The following CSMD1 variants were observed in gnomAD, a reference collection of about 807,000 sequenced individuals.
CSMD1 encodes the protein CUB and Sushi multiple domains 1.
A neutral mutation model predicts 417.5 loss-of-function variants in CSMD1; 213 were observed. That is an observed-to-expected ratio of 0.51 (90% CI 0.46 to 0.57). CSMD1 has a LOEUF of 0.57. Among genes scored for constraint, CSMD1 ranks in the 20% least tolerant of loss-of-function variants. The pLI, the probability that CSMD1 is intolerant of heterozygous loss-of-function variation, is 0.00. For missense variants in CSMD1, 6,923 were observed against 4,529.7 expected (o/e 1.53, Z -15.17); for synonymous variants, 2,862 against 1,736.8 (o/e 1.65, Z -16.11).
intron 10 of CSMD1, among the ~76,000 whole-genome samples, chr8:3,503,775 A>G (rs960976221): frequency 6.6e-6 from 1 of 151,964 alleles, no homozygotes; most frequent in African/African-American, 2.4e-5. Flanking sequence ...TGGTTTCAAA[A>G]TGGCCTAAAA....
chr8:4,989,984 G>A (rs1258754229), intron 1 of CSMD1, among the ~76,000 whole-genome samples: 2 of 152,168 alleles, frequency 1.3e-5, no homozygotes, highest in Non-Finnish European at 2.9e-5. Context: ...CTGTGGTTGT[G>A]GCAGTCGTCT....
intron 1 of CSMD1, among the ~76,000 whole-genome samples, chr8:4,911,397 G>C (rs763641152): frequency 6.6e-6 from 1 of 152,180 alleles, no homozygotes; most frequent in Non-Finnish European, 1.5e-5. Context: ...CTCTAGATTT[G>C]TTAGGTAATT....
intron 3 of CSMD1, among the ~76,000 whole-genome samples, chr8:4,393,084 T>C (rs537236673): frequency 6.8e-4 from 104 of 152,238 alleles, no homozygotes; most frequent in African/African-American, 2.4e-3. Flanking sequence ...CAAGCGATTC[T>C]CGTGCCTCAA....
chr8:4,356,039 C>T (rs1365596161), intron 3 of CSMD1, among the ~76,000 whole-genome samples: 1 of 152,116 alleles, frequency 6.6e-6, no homozygotes, highest in African/African-American at 2.4e-5. Flanking sequence ...TTTGGGAGAT[C>T]CTGGTGCACT....
In CSMD1 at chr8:3,265,100, C is replaced by T. The variant is rs117835512; in HGVS notation, c.4153+19044G>A. The stretch of plus-strand genomic sequence containing the variant: ...ATCTGTTGAATAGCTGCTCTTGTAG[C>T]TGGCACCATGTTAAGGATTGTCACT... On this transcript the variant is annotated intron_variant, in intron 26 of 69. Transcript: ENST00000635120. Among the ~76,000 whole-genome samples, 30 of 152,224 alleles carry T rather than the reference C, an allele frequency of 2.0e-4. No homozygotes were observed. In the East Asian group the frequency reaches 5.0e-3, roughly 25 times the overall value.
intron 10 of CSMD1, among the ~76,000 whole-genome samples, chr8:3,543,717 G>C (rs773237581): frequency 3.9e-5 from 6 of 152,112 alleles, no homozygotes; most frequent in Non-Finnish European, 5.9e-5. Context: ...CCCAGAGTTT[G>C]CTTTTAGACA....
chr8:4,077,240 C>G (rs1388532642), intron 3 of CSMD1, among the ~76,000 whole-genome samples: 2 of 143,682 alleles, frequency 1.4e-5, no homozygotes, highest in African/African-American at 5.4e-5. Flanking sequence ...TACTCCATTT[C>G]TCTACTGACA....
At chr8:3,299,046 A>T (rs1307580549) in intron 25 of CSMD1, among the ~76,000 whole-genome samples, 1 of 152,232 alleles carries the variant, frequency 6.6e-6, no homozygotes, top group Non-Finnish European at 1.5e-5. Context: ...AACAAAAAAT[A>T]TGATACAACA....
intron 5 of CSMD1, among the ~76,000 whole-genome samples, chr8:3,796,502 G>T (rs1181657262): frequency 1.4e-5 from 2 of 139,630 alleles, no homozygotes; most frequent in South Asian, 2.2e-4. Flanking sequence ...TATAGATATA[G>T]ATATATATAT....
intron 5 of CSMD1, among the ~76,000 whole-genome samples, chr8:3,954,529 G>T (rs1301759108): frequency 1.3e-5 from 2 of 152,012 alleles, no homozygotes; most frequent in Non-Finnish European, 2.9e-5. Flanking sequence ...ACCACTCCCA[G>T]ATAATTTTTT....
chr8:4,191,422 A>G (rs779360551), intron 3 of CSMD1, among the ~76,000 whole-genome samples: 2 of 152,026 alleles, frequency 1.3e-5, no homozygotes, highest in African/African-American at 2.4e-5. Context: ...AAAACAAAAC[A>G]AAACAAAAAA....
rs540313305 is a variant in CSMD1, at chr8:4,796,904, A to G, written c.86-159346T>C. Among the ~76,000 whole-genome samples, 19 of 152,314 alleles carry G rather than the reference A, an allele frequency of 1.2e-4. No individual in the cohort carries two copies. The South Asian group carries it at 3.3e-3, about 27-fold the overall frequency. On this transcript the variant is annotated intron_variant, in intron 1 of 69. Coordinates refer to ENST00000635120, the MANE Select transcript of CSMD1 (RefSeq NM_033225.6). The stretch of plus-strand genomic sequence containing the variant: ...TGCACACAACTGAAACGCTATGGAC[A>G]CATTAGGTCTCTGAGTGTGGCTGCA...
chr8:4,154,436 C>T (rs1796724820), intron 3 of CSMD1, among the ~76,000 whole-genome samples: 1 of 152,052 alleles, frequency 6.6e-6, no homozygotes. Flanking sequence ...ACTTTATTGC[C>T]TCAAAGAGCT....
intron 4 of CSMD1, among the ~76,000 whole-genome samples, chr8:4,019,786 A>G (rs1198146812): frequency 1.3e-5 from 2 of 152,154 alleles, no homozygotes; most frequent in African/African-American, 4.8e-5. Context: ...TGTGTAAAAT[A>G]AAGTGACCCA....
intron 5 of CSMD1, among the ~76,000 whole-genome samples, chr8:3,880,051 G>C (rs1055328749): frequency 7.1e-6 from 1 of 141,394 alleles, no homozygotes; most frequent in South Asian, 2.1e-4. Context: ...GATTATAAAA[G>C]ATTTTCTTTT....
chr8:3,347,369 C>G (rs1341252980), intron 22 of CSMD1, among the ~76,000 whole-genome samples: 1 of 152,152 alleles, frequency 6.6e-6, no homozygotes, highest in Non-Finnish European at 1.5e-5. Flanking sequence ...CTAGTTGGAG[C>G]TGGGATTTTG....
At chr8:4,511,564 G>A (rs548293510) in intron 2 of CSMD1, among the ~76,000 whole-genome samples, 1 of 152,288 alleles carries the variant, frequency 6.6e-6, no homozygotes, top group African/African-American at 2.4e-5. Flanking sequence ...ATCATTCAGA[G>A]AGGTGGGGGT....
In CSMD1 at chr8:4,656,660, G is replaced by T. The variant is rs1804252510; in HGVS notation, c.86-19102C>A. ...TTTAGTTTCAAAGTTCTCTGAGATA[G>T]TCTATCATCACCGAATACAACTGCC... is the stretch of plus-strand genomic sequence containing the variant. On this transcript the variant is annotated intron_variant, in intron 1 of 69. Coordinates refer to ENST00000635120, the MANE Select transcript of CSMD1 (RefSeq NM_033225.6). Among the ~76,000 whole-genome samples, 2 of 151,440 alleles carry T rather than the reference G, an allele frequency of 1.3e-5. 1 individual carries two copies. Among genetic ancestry groups the T allele is most frequent in the South Asian group, 4.1e-4 (2 of 4,824 alleles).
intron 2 of CSMD1, among the ~76,000 whole-genome samples, chr8:4,541,158 T>A (rs921037997): frequency 2.0e-5 from 3 of 152,168 alleles, no homozygotes; most frequent in African/African-American, 7.2e-5. Context: ...CCAATAGTGG[T>A]GCCAGGGCTC....
Sources: allele counts gnomAD v4.1 joint callset (sites outside exome capture counted in the v4.1 genomes callset), GRCh38; gene constraint gnomAD v4.1.1; transcripts MANE v1.5; gene names NCBI Gene and HGNC (gene_info 2026-07-23, HGNC 2026-07-21).